Variants in SH3RF3 observed in about 807,000 individuals in gnomAD.
The protein encoded by SH3RF3 is E3 ubiquitin-protein ligase SH3RF3.
A neutral mutation model predicts 66.3 loss-of-function variants in SH3RF3; 29 were observed. The ratio of observed to expected loss-of-function variants is 0.44; its 90% CI spans 0.33 to 0.60. The LOEUF (loss-of-function observed/expected upper bound fraction) is 0.60, where lower values mean the gene tolerates loss of function less well. Ranked by LOEUF, SH3RF3 falls within the 20% of genes least tolerant of loss-of-function variation. The pLI, the probability that SH3RF3 is intolerant of heterozygous loss-of-function variation, is 0.04. For synonymous variants in SH3RF3, 583 were observed against 532.0 expected, an observed-to-expected ratio of 1.10 and a Z score of -1.32; for missense variants, 1,194 against 1,190.9, an observed-to-expected ratio of 1.00 and a Z score of -0.04.
At chr2:109,169,717 T>C (rs1447884735) in intron 1 of SH3RF3, among the ~76,000 whole-genome samples, 1 of 150,954 alleles carries the variant, frequency 6.6e-6, no homozygotes, top group African/African-American at 2.5e-5. Context: ...TATATATCTA[T>C]ATATATAACC....
At chr2:109,198,924 G>A (rs1402841410) in intron 1 of SH3RF3, among the ~76,000 whole-genome samples, 2 of 152,142 alleles carry the variant, frequency 1.3e-5, no homozygotes, top group African/African-American at 2.4e-5. Context: ...ATGCAGAAAA[G>A]GTACAGTAAA....
chr2:109,231,629 C>T lies in SH3RF3; in HGVS notation c.573+101516C>T, dbSNP rs116758740. On this transcript the variant is annotated intron_variant, in intron 1 of 9. Coordinates refer to ENST00000309415, the MANE Select transcript of SH3RF3 (RefSeq NM_001099289.3). ...TAAGTAGGCTGCTTCCCTCTGCTCT[C>T]AGATGACATGTGGCTGAGGACTTCA... Among the ~76,000 whole-genome samples, 1,523 of 152,308 alleles carry T rather than the reference C, an allele frequency of 1.0e-2. 11 individuals carry two copies. The highest frequency in any genetic ancestry group is 0.024 in the South Asian group (116 of 4,830).
chr2:109,213,998 C>T (rs527332852), intron 1 of SH3RF3, among the ~76,000 whole-genome samples: 7 of 152,176 alleles, frequency 4.6e-5, no homozygotes, highest in South Asian at 4.2e-4. Context: ...GTGGACGTGG[C>T]GGGCAGGGGA....
intron 1 of SH3RF3, among the ~76,000 whole-genome samples, chr2:109,244,478 A>G (rs1225057925): frequency 6.6e-6 from 1 of 152,148 alleles, no homozygotes; most frequent in Non-Finnish European, 1.5e-5. Flanking sequence ...TGTTGGAACT[A>G]CCCCCAAACA....
At chr2:109,175,929 T>C (rs1290442506) in intron 1 of SH3RF3, among the ~76,000 whole-genome samples, 1 of 152,230 alleles carries the variant, frequency 6.6e-6, no homozygotes, top group Non-Finnish European at 1.5e-5. Flanking sequence ...GAATATTTTA[T>C]AGTAATACTT....
intron 1 of SH3RF3, among the ~76,000 whole-genome samples, chr2:109,214,619 T>C (rs1223181550): frequency 6.6e-6 from 1 of 152,034 alleles, no homozygotes; most frequent in African/African-American, 2.4e-5. Context: ...GAGGAGGACA[T>C]CTGAACAGCC....
chr2:109,389,839 G>T (rs1033108868), intron 3 of SH3RF3, among the ~76,000 whole-genome samples: 1 of 152,036 alleles, frequency 6.6e-6, no homozygotes, highest in Non-Finnish European at 1.5e-5. Flanking sequence ...TGCACTGTCA[G>T]AGAACAGGTC....
At chr2:109,430,928 C>T (rs1215158606) in intron 5 of SH3RF3, among the ~76,000 whole-genome samples, 1 of 152,142 alleles carries the variant, frequency 6.6e-6, no homozygotes, top group Non-Finnish European at 1.5e-5. Context: ...CACCTATCAA[C>T]AAAGGAAATA....
chr2:109,236,744 G>A (rs938100910), intron 1 of SH3RF3, among the ~76,000 whole-genome samples: 2 of 152,164 alleles, frequency 1.3e-5, no homozygotes, highest in African/African-American at 4.8e-5. Context: ...ACTGTTTCCT[G>A]TTTGCAAACT....
At chr2:109,325,754 G>T (rs775018672) in intron 1 of SH3RF3, among the ~76,000 whole-genome samples, 3 of 152,188 alleles carry the variant, frequency 2.0e-5, no homozygotes, top group Non-Finnish European at 4.4e-5. Context: ...GACTCTACCA[G>T]CCTGGAGTAG....
chr2:109,414,434 C>T (rs1419588261), intron 4 of SH3RF3, among the ~76,000 whole-genome samples: 1 of 152,094 alleles, frequency 6.6e-6, no homozygotes, highest in Non-Finnish European at 1.5e-5. Context: ...TTTTTTCAGG[C>T]AGGAGGGTAA....
At chr2:109,354,490 C>A (rs1283309986) in intron 2 of SH3RF3, among the ~76,000 whole-genome samples, 6 of 152,238 alleles carry the variant, frequency 3.9e-5, no homozygotes, top group African/African-American at 1.2e-4. Context: ...TGTGATTCTT[C>A]CACACAGTTG....
intron 4 of SH3RF3, among the ~76,000 whole-genome samples, chr2:109,413,770 A>G (rs1676654249): frequency 6.6e-6 from 1 of 152,168 alleles, no homozygotes; most frequent in African/African-American, 2.4e-5. Flanking sequence ...CTCTGTTACT[A>G]ACTATGGCAG....
intron 7 of SH3RF3, among the ~76,000 whole-genome samples, chr2:109,439,268 G>A (rs1035267804): frequency 6.6e-6 from 1 of 152,130 alleles, no homozygotes. Context: ...AGTGAGGCAC[G>A]GGATGGTTAA....
chr2:109,312,274 C>G (rs1453670475), intron 1 of SH3RF3, among the ~76,000 whole-genome samples: 2 of 152,112 alleles, frequency 1.3e-5, no homozygotes, highest in African/African-American at 2.4e-5. Flanking sequence ...TGAGTCCTGC[C>G]CACTTTTCTT....
chr2:109,200,314 C>A (rs1448444062), intron 1 of SH3RF3, among the ~76,000 whole-genome samples: 1 of 152,122 alleles, frequency 6.6e-6, no homozygotes, highest in Non-Finnish European at 1.5e-5. Context: ...CTTCCCAGAC[C>A]CTGCCGCAGA....
intron 1 of SH3RF3, among the ~76,000 whole-genome samples, chr2:109,283,569 T>TG (rs1216851876): frequency 2.0e-5 from 3 of 151,872 alleles, no homozygotes; most frequent in African/African-American, 7.3e-5. Context: ...GTGAGCAGGA[T>TG]GGGGGCACAC....
intron 1 of SH3RF3, among the ~76,000 whole-genome samples, chr2:109,205,031 T>C (rs375446394): frequency 4.6e-5 from 7 of 152,124 alleles, no homozygotes; most frequent in African/African-American, 1.7e-4. Flanking sequence ...AACATAGTGA[T>C]ACCCTGTCTC....
In SH3RF3 at chr2:109,201,037, A is replaced by G. The variant is rs540290903; in HGVS notation, c.573+70924A>G. ...AAGTGGCTGTGGGGACCTGGGTGGG[A>G]CCCTGTGAGCTGGAGCTCCAGGCTG... is the stretch of plus-strand genomic sequence containing the variant. On this transcript the variant is annotated intron_variant, in intron 1 of 9. Transcript: ENST00000309415. Among the ~76,000 whole-genome samples the G allele has an allele frequency of 1.3e-4, 20 of 151,956 alleles. No individual in the cohort carries two copies. The East Asian group carries it at 3.7e-3, about 28-fold the overall frequency.
Sources: allele counts gnomAD v4.1 joint callset (sites outside exome capture counted in the v4.1 genomes callset), GRCh38; gene constraint gnomAD v4.1.1; transcripts MANE v1.5; gene names NCBI Gene and HGNC (gene_info 2026-07-23, HGNC 2026-07-21).